Variants in TMEM63C observed in about 807,000 individuals in gnomAD.
The protein encoded by TMEM63C is transmembrane protein 63C.
TMEM63C carries 32 observed loss-of-function variants against 99.2 expected under a neutral mutation model. That is an observed-to-expected ratio of 0.32 (90% CI 0.24 to 0.43). The LOEUF is 0.43. TMEM63C is among the 20% of genes least tolerant of loss of function. TMEM63C has a pLI of 1.00. For synonymous variants in TMEM63C, 376 were observed against 397.9 expected (o/e 0.94, Z 0.66); for missense variants, 826 against 1,053.0 (o/e 0.78, Z 2.98).
intron 1 of TMEM63C, among the ~76,000 whole-genome samples, chr14:77,206,139 TC>T (rs1302497937): frequency 6.7e-6 from 1 of 149,990 alleles, no homozygotes; most frequent in African/African-American, 2.5e-5. Flanking sequence ...TTTGTTCTCT[TC>T]CCTATAGGAG....
chr14:77,249,245 CA>C, intron 20 of TMEM63C, 45 bp from the exon 21 acceptor site: 1 of 1,602,020 alleles, frequency 6.2e-7, no homozygotes, highest in Admixed American at 1.7e-5. Context: ...CACAAAGGTC[CA>C]GACTTGAAGG....
intron 20 of TMEM63C, among the ~76,000 whole-genome samples, 179 bp from the exon 21 acceptor site, chr14:77,249,112 G>A (rs148219799): frequency 2.3e-3 from 355 of 152,220 alleles, no homozygotes; most frequent in Non-Finnish European, 3.9e-3. Flanking sequence ...GTCAGTTCTC[G>A]GGGCTCAAGG....
Position 77,253,374 on chromosome 14 carries a change from C to T in TMEM63C, c.2218C>T (p.Leu740Phe). 1 of 1,609,432 alleles carries T rather than the reference C, an allele frequency of 6.2e-7. No homozygotes were observed. ...CAGCACCTCCTCCACGCCCACCTCC[C>T]TCGTGAGTCCTGAGTCCCAGGGACA... is the stretch of plus-strand genomic sequence containing the variant. ...PSSTSSTPTS[L>F]LYVATVLQEP... The change falls in exon 23 of 24, where the codon CTC becomes TTC. Residue 740 changes from leucine to phenylalanine, a missense_variant and splice_region_variant. Leu to Phe is a conservative substitution (Grantham distance 22). Transcript: ENST00000298351.
At chr14:77,229,223 G>A (rs1430027863) in intron 6 of TMEM63C, among the ~76,000 whole-genome samples, 13 of 151,956 alleles carry the variant, frequency 8.6e-5, no homozygotes, top group Non-Finnish European at 1.9e-4. Flanking sequence ...GGCCAACATG[G>A]TGAAACTCCG....
rs776099548 is a variant in TMEM63C at position 77,216,511 on chromosome 14, G to C, written c.-13-2290G>C. On this transcript the variant is annotated intron_variant, in intron 2 of 23. Coordinates refer to ENST00000298351, the MANE Select transcript of TMEM63C (RefSeq NM_020431.4). The stretch of plus-strand genomic sequence containing the variant: ...AATCCCTGCTCCCCGTCCCCACTTA[G>C]CATGTTCCAAACTCAACTCTTGGTT... Among the ~76,000 whole-genome samples, 25 of 151,968 alleles carry C rather than the reference G, an allele frequency of 1.6e-4. 1 individual carries two copies. Among genetic ancestry groups the C allele is most frequent in the Admixed American group, 1.3e-4 (2 of 15,258 alleles).
intron 18 of TMEM63C, among the ~76,000 whole-genome samples, chr14:77,247,095 A>G (rs1889280010): frequency 6.6e-6 from 1 of 152,244 alleles, no homozygotes; most frequent in Non-Finnish European, 1.5e-5. Flanking sequence ...CTTTATGTGC[A>G]CAAAATACAT....
Position 77,248,395 on chromosome 14 carries a change from C to T in TMEM63C, c.1650C>T (p.Ile550=), listed in dbSNP as rs1308232114. 6.2e-7 allele frequency: 1 copy of T among 1,609,774 alleles called. No homozygotes were observed. Among genetic ancestry groups the T allele is most frequent in the South Asian group, 1.1e-5 (1 of 90,216 alleles). ...DNGAFFVNYV[I]TAALLGTGME... is the part of the protein sequence containing the mutation. ...GCGCCTTCTTTGTCAACTACGTGAT[C>T]ACGGCAGCTTTACTTGGCACAGGCA... is the stretch of plus-strand genomic sequence containing the variant. The change falls in exon 19 of 24, where the codon ATC becomes ATT. Residue 550 remains isoleucine, a synonymous_variant. Transcript: ENST00000298351.
At chr14:77,218,660 TG>T in intron 2 of TMEM63C, 140 bp from the exon 3 acceptor site, 2 of 707,132 alleles carry the variant, frequency 2.8e-6, no homozygotes, top group Non-Finnish European at 4.6e-6. Flanking sequence ...TCTCGTGGGC[TG>T]GCCCTCCTGT....
chr14:77,228,217 A>G (rs1888866553), intron 6 of TMEM63C, among the ~76,000 whole-genome samples: 3 of 152,170 alleles, frequency 2.0e-5, no homozygotes, highest in Admixed American at 2.0e-4. Flanking sequence ...GAAAGGAAAC[A>G]GGCCTAGTGG....
intron 15 of TMEM63C, among the ~76,000 whole-genome samples, chr14:77,244,106 A>G (rs1256274353): frequency 6.6e-6 from 1 of 151,880 alleles, no homozygotes; most frequent in Non-Finnish European, 1.5e-5. Context: ...GGAGGAAGTC[A>G]CTCAAGAAAG....
chr14:77,226,493 T>G (rs1318680250), intron 6 of TMEM63C, among the ~76,000 whole-genome samples: 2 of 152,218 alleles, frequency 1.3e-5, no homozygotes, highest in East Asian at 3.8e-4. Flanking sequence ...GGGAGGGTTA[T>G]AATTGCTGTG....
intron 1 of TMEM63C, among the ~76,000 whole-genome samples, chr14:77,193,856 C>T (rs972880264): frequency 1.3e-5 from 2 of 151,196 alleles, no homozygotes; most frequent in African/African-American, 2.4e-5. Context: ...AAAAATTAGC[C>T]GGGCATGGTA....
chr14:77,252,035 G>C, intron 22 of TMEM63C, 137 bp downstream of exon 22: 3 of 763,228 alleles, frequency 3.9e-6, no homozygotes, highest in Non-Finnish European at 6.8e-6. Context: ...GTAGAGCGTG[G>C]AGCCCAGTGT....
At chr14:77,234,048 C>T (rs966762470) in intron 8 of TMEM63C, among the ~76,000 whole-genome samples, 1 of 152,180 alleles carries the variant, frequency 6.6e-6, no homozygotes, top group African/African-American at 2.4e-5. Flanking sequence ...GCTCCTTCCC[C>T]TCACAGGCCA....
intron 21 of TMEM63C, among the ~76,000 whole-genome samples, chr14:77,250,168 C>A (rs1211447252): frequency 2.0e-5 from 3 of 152,170 alleles, no homozygotes; most frequent in Non-Finnish European, 4.4e-5. Flanking sequence ...TGCCAAAAAA[C>A]CTGGAAGAGG....
At chr14:77,186,610 G>T (rs886581810) in intron 1 of TMEM63C, among the ~76,000 whole-genome samples, 8 of 152,278 alleles carry the variant, frequency 5.3e-5, no homozygotes, top group Admixed American at 2.0e-4. Context: ...AGGATCACTT[G>T]AGGCCAGAAG....
intron 1 of TMEM63C, among the ~76,000 whole-genome samples, chr14:77,211,482 T>G (rs1349555448): frequency 2.6e-5 from 4 of 152,200 alleles, no homozygotes; most frequent in African/African-American, 7.2e-5. Context: ...TTAATAAAAT[T>G]TGTCCCTCCC....
Position 77,187,293 on chromosome 14 carries a change from T to C in TMEM63C, c.-77+5399T>C, listed in dbSNP as rs1888018949. Among the ~76,000 whole-genome samples the C allele has an allele frequency of 2.0e-5, 3 of 152,152 alleles. No individual in the cohort carries two copies. The South Asian group carries it at 6.2e-4, about 31-fold the overall frequency. Reference sequence around the variant, plus strand: ...GGGCTGGTGGTTTTGCTGAAGTTGCTTGAGACGAAAAGACTTGGAAGAGAA... The same window carrying C: ...GGGCTGGTGGTTTTGCTGAAGTTGCCTGAGACGAAAAGACTTGGAAGAGAA... On this transcript the variant is annotated intron_variant, in intron 1 of 23. Coordinates refer to ENST00000298351, the MANE Select transcript of TMEM63C (RefSeq NM_020431.4).
chr14:77,252,134 T>C (rs887109492), intron 22 of TMEM63C, among the ~76,000 whole-genome samples: 2 of 151,472 alleles, frequency 1.3e-5, no homozygotes, highest in African/African-American at 4.9e-5. Context: ...AGAAGACAGC[T>C]ATCCTCTCCT....
Sources: gnomAD v4.1 joint callset for allele counts (sites outside exome capture counted in the v4.1 genomes callset) on GRCh38, gnomAD v4.1.1 for gene constraint, MANE v1.5 for transcripts, NCBI Gene and HGNC (gene_info 2026-07-23, HGNC 2026-07-21) for gene names.